The following ROBO1 variants were observed in gnomAD, a reference collection of about 807,000 sequenced individuals.
ROBO1 encodes roundabout homolog 1.
In ROBO1, 149 loss-of-function variants were observed where a neutral mutation model predicts 195.9. That is an observed-to-expected ratio of 0.76 (90% CI 0.67 to 0.87). The LOEUF (loss-of-function observed/expected upper bound fraction) is 0.87. Among genes scored for constraint, ROBO1 ranks in the 40% least tolerant of loss-of-function variants. The pLI, the probability that ROBO1 is intolerant of heterozygous loss-of-function variation, is 0.00. For missense variants in ROBO1, 1,933 were observed against 2,068.3 expected, an observed-to-expected ratio of 0.93 and a Z score of 1.27; for synonymous variants, 816 against 733.2, an observed-to-expected ratio of 1.11 and a Z score of -1.82.
chr3:79,502,695 G>A (rs1940158931), intron 2 of ROBO1, among the ~76,000 whole-genome samples: 1 of 57,216 alleles, frequency 1.7e-5, no homozygotes, highest in African/African-American at 1.1e-4. Context: ...GAGTCTAGTG[G>A]GGACTTGGAG....
chr3:79,750,005 C>T (rs1051408318), intron 1 of ROBO1, among the ~76,000 whole-genome samples: 5 of 152,336 alleles, frequency 3.3e-5, no homozygotes, highest in Middle Eastern at 3.4e-3. Flanking sequence ...GGAAAAGCCA[C>T]AGACACTCAA....
At chr3:78,782,863 TA>T (rs2083719207) in intron 4 of ROBO1, among the ~76,000 whole-genome samples, 3 of 152,196 alleles carry the variant, frequency 2.0e-5, no homozygotes, top group African/African-American at 7.2e-5. Context: ...TTCATCTTTA[TA>T]TTTTTCCAAT....
chr3:79,733,455 T>C (rs2107368954), intron 1 of ROBO1, among the ~76,000 whole-genome samples: 1 of 152,306 alleles, frequency 6.6e-6, no homozygotes, highest in Non-Finnish European at 1.5e-5. Flanking sequence ...AACTCACCTC[T>C]TCTCAGTCGA....
intron 4 of ROBO1, among the ~76,000 whole-genome samples, chr3:78,826,117 T>G (rs142866621): frequency 6.6e-6 from 1 of 152,190 alleles, no homozygotes; most frequent in Non-Finnish European, 1.5e-5. Context: ...GGAAGTTGTT[T>G]GAGCCAAATT....
At chr3:79,326,538 G>A (rs1391341529) in intron 2 of ROBO1, among the ~76,000 whole-genome samples, 3 of 152,148 alleles carry the variant, frequency 2.0e-5, no homozygotes. Context: ...ATTTGAAGGA[G>A]TTTTAAACGT....
At chr3:79,309,736 C>T (rs1165533508) in intron 2 of ROBO1, among the ~76,000 whole-genome samples, 12 of 152,146 alleles carry the variant, frequency 7.9e-5, no homozygotes, top group Non-Finnish European at 1.5e-5. Context: ...AGAAACATGT[C>T]TCTTTTTACA....
At chr3:79,292,531 AT>A (rs1234742067) in intron 2 of ROBO1, among the ~76,000 whole-genome samples, 2 of 152,142 alleles carry the variant, frequency 1.3e-5, no homozygotes, top group Admixed American at 1.3e-4. Context: ...AATAGCTCTT[AT>A]TATTTAGAGA....
At chr3:78,733,760 T>C (rs962158009) in intron 5 of ROBO1, among the ~76,000 whole-genome samples, 4 of 152,094 alleles carry the variant, frequency 2.6e-5, no homozygotes, top group Admixed American at 1.3e-4. Context: ...TCCCTGACAG[T>C]AGTAACATCC....
chr3:78,916,865 T>A (rs2038630770), intron 4 of ROBO1, among the ~76,000 whole-genome samples: 1 of 152,072 alleles, frequency 6.6e-6, no homozygotes, highest in Non-Finnish European at 1.5e-5. Flanking sequence ...GCCCATATGG[T>A]GGCTAAAAAC....
chr3:78,722,595 A>G (rs1032179841), intron 5 of ROBO1, among the ~76,000 whole-genome samples: 14 of 152,186 alleles, frequency 9.2e-5, no homozygotes, highest in African/African-American at 1.7e-4. Context: ...AAGGTCAACT[A>G]AATAGCACCT....
Position 78,598,906 on chromosome 3 carries a change from G to T in ROBO1, c.*7C>A. On this transcript the variant is annotated 3_prime_UTR_variant, in exon 31 of 31. Coordinates refer to ENST00000464233, the MANE Select transcript of ROBO1 (RefSeq NM_002941.4). ...CACATTAGATCTCATAAGCCTCTTG[G>T]TTGTCTTCAGCTTTCAGTTTCCTGT... is the stretch of plus-strand genomic sequence containing the variant. The T allele has an allele frequency of 6.4e-7, 1 of 1,568,774 alleles. No individual in the cohort carries two copies.
chr3:79,295,543 C>G (rs1292584337), intron 2 of ROBO1, among the ~76,000 whole-genome samples: 1 of 151,990 alleles, frequency 6.6e-6, no homozygotes, highest in African/African-American at 2.4e-5. Flanking sequence ...ACGTGTATAC[C>G]TATGTAACAA....
rs1047028450 is a variant in ROBO1, at chr3:79,210,273, A to G, written c.89-84734T>C. On this transcript the variant is annotated intron_variant, in intron 2 of 30. Transcript: ENST00000464233. The stretch of plus-strand genomic sequence containing the variant: ...ATATTACCTGACTTCAAATTATACT[A>G]CAAGGCTATAGTTACCAAAACAGCA... 5.3e-5 allele frequency among the ~76,000 whole-genome samples: 8 copies of G among 152,298 alleles called. No homozygotes were observed. The South Asian group carries it at 6.2e-4, about 12-fold the overall frequency.
chr3:79,610,894 A>C (rs1470311003), intron 1 of ROBO1, among the ~76,000 whole-genome samples: 1 of 152,116 alleles, frequency 6.6e-6, no homozygotes, highest in African/African-American at 2.4e-5. Context: ...GGAGTCTATC[A>C]ACACTTCTCT....
intron 2 of ROBO1, among the ~76,000 whole-genome samples, chr3:79,342,855 C>T (rs954319198): frequency 2.0e-5 from 3 of 152,124 alleles, no homozygotes; most frequent in Non-Finnish European, 2.9e-5. Flanking sequence ...CATTGCACAT[C>T]GTTACCACCA....
At chr3:79,180,703 G>C (rs182726069) in intron 2 of ROBO1, among the ~76,000 whole-genome samples, 1 of 152,300 alleles carries the variant, frequency 6.6e-6, no homozygotes, top group Admixed American at 6.5e-5. Flanking sequence ...AAGCCATTAT[G>C]ATTATAAGTG....
rs1256048194 is a variant in ROBO1 at position 78,746,729 on chromosome 3, A to C, written c.657+14T>G. The C allele has an allele frequency of 6.2e-6, 9 of 1,461,722 alleles. No individual in the cohort carries two copies. The highest frequency in any genetic ancestry group is 5.6e-5 in the African/African-American group (4 of 71,480). The allele number at this position is 1,461,722 out of a possible 1,614,324, so 90.5% of individuals were successfully genotyped here. A position where few individuals can be genotyped will look rare whatever the true frequency, so the allele number is the denominator to read the frequency against. On this transcript the variant is annotated intron_variant, in intron 5 of 30. Coordinates refer to ENST00000464233, the MANE Select transcript of ROBO1 (RefSeq NM_002941.4). Reference sequence around the variant, plus strand: ...GACCAACAAATGTCCTCTGCTGTTGAATTAAATACTCACAGTTATTCTTTC... The same window carrying C: ...GACCAACAAATGTCCTCTGCTGTTGCATTAAATACTCACAGTTATTCTTTC...
At chr3:79,019,081 G>A (rs531781298) in intron 3 of ROBO1, 146 of 989,966 alleles carry the variant, frequency 1.5e-4, no homozygotes, top group Non-Finnish European at 1.6e-4. Flanking sequence ...GCGGCTGCCT[G>A]GGCGGGCCCT....
intron 2 of ROBO1, among the ~76,000 whole-genome samples, chr3:79,265,273 T>A (rs2108953670): frequency 6.6e-6 from 1 of 151,488 alleles, no homozygotes; most frequent in East Asian, 1.9e-4. Flanking sequence ...GACTAGTCTT[T>A]AATTTTCAAA....
Sources: allele counts gnomAD v4.1 joint callset (sites outside exome capture counted in the v4.1 genomes callset), GRCh38; gene constraint gnomAD v4.1.1; transcripts MANE v1.5; gene names NCBI Gene and HGNC (gene_info 2026-07-23, HGNC 2026-07-21).